The following DCC variants were observed in gnomAD, a reference collection of about 807,000 sequenced individuals.
The protein encoded by DCC is netrin receptor DCC.
In DCC, 58 loss-of-function variants were observed where a neutral mutation model predicts 172.5. The observed-to-expected ratio is 0.34, with a 90% CI of 0.27 to 0.42. The LOEUF (loss-of-function observed/expected upper bound fraction) is 0.42. DCC is among the 10% of genes least tolerant of loss of function. The pLI, the probability that DCC is intolerant of heterozygous loss-of-function variation, is 1.00. For missense variants in DCC, 1,740 were observed against 1,791.0 expected, an observed-to-expected ratio of 0.97 and a Z score of 0.51; for synonymous variants, 709 against 644.5, an observed-to-expected ratio of 1.10 and a Z score of -1.52.
chr18:53,197,820 G>A (rs142555084), intron 9 of DCC, among the ~76,000 whole-genome samples: 25 of 152,090 alleles, frequency 1.6e-4, no homozygotes, highest in African/African-American at 6.0e-4. Flanking sequence ...AGACAGGAAG[G>A]CAGATGTTTA....
chr18:52,801,677 C>A (rs1339231438), intron 2 of DCC, among the ~76,000 whole-genome samples: 1 of 152,164 alleles, frequency 6.6e-6, no homozygotes, highest in Non-Finnish European at 1.5e-5. Context: ...TTATAAGCCA[C>A]GTTCAAATTT....
At chr18:52,356,644 A>G (rs886202351) in intron 1 of DCC, among the ~76,000 whole-genome samples, 4 of 152,096 alleles carry the variant, frequency 2.6e-5, no homozygotes, top group African/African-American at 7.2e-5. Context: ...TCTTTTATCC[A>G]TATTCATCTC....
chr18:52,644,578 CAA>C (rs34472651), intron 1 of DCC, among the ~76,000 whole-genome samples: 53 of 112,938 alleles, frequency 4.7e-4, no homozygotes, highest in African/African-American at 1.5e-3. Context: ...GACTCCGTCT[CAA>C]AAAAAAAAAA....
Position 53,535,387 on chromosome 18 carries a change from C to T in DCC, c.*4734C>T, listed in dbSNP as rs1002918094. 6 of 152,150 alleles carry T rather than the reference C, an allele frequency of 3.9e-5. No homozygotes were observed. Among genetic ancestry groups the T allele is most frequent in the Admixed American group, 6.5e-5 (1 of 15,284 alleles). 9.4% of individuals were successfully genotyped at this position (152,150 alleles called of 1,614,324 possible). A position where few individuals can be genotyped will look rare whatever the true frequency, so the allele number is the denominator to read the frequency against. On this transcript the variant is annotated 3_prime_UTR_variant, in exon 29 of 29. Coordinates refer to ENST00000442544, the MANE Select transcript of DCC (RefSeq NM_005215.4). The stretch of plus-strand genomic sequence containing the variant: ...AAAGCCTTCACTGAAGTTCCATCAT[C>T]GCCACTTCTCCCTTTTTAGGGTCAT...
intron 7 of DCC, among the ~76,000 whole-genome samples, chr18:53,155,911 C>A (rs966311117): frequency 1.3e-5 from 2 of 152,150 alleles, no homozygotes; most frequent in Non-Finnish European, 2.9e-5. Flanking sequence ...CCTGTAATCC[C>A]AGCTACTCAG....
intron 22 of DCC, among the ~76,000 whole-genome samples, chr18:53,445,970 A>G (rs1416189334): frequency 1.3e-5 from 2 of 151,650 alleles, no homozygotes; most frequent in African/African-American, 4.8e-5. Context: ...TACATAGGAT[A>G]TAATACATTG....
At chr18:52,772,555 T>A (rs1466222015) in intron 2 of DCC, among the ~76,000 whole-genome samples, 1 of 152,120 alleles carries the variant, frequency 6.6e-6, no homozygotes, top group African/African-American at 2.4e-5. Flanking sequence ...AATAATACTG[T>A]GCAACAAAGG....
At chr18:53,328,725 G>A (rs1167345764) in intron 14 of DCC, among the ~76,000 whole-genome samples, 4 of 152,102 alleles carry the variant, frequency 2.6e-5, no homozygotes, top group East Asian at 1.9e-4. Flanking sequence ...AGTAGAGACA[G>A]GGTTTCACCA....
intron 2 of DCC, among the ~76,000 whole-genome samples, chr18:52,812,434 T>C (rs928168649): frequency 6.6e-6 from 1 of 152,180 alleles, no homozygotes; most frequent in Non-Finnish European, 1.5e-5. Context: ...CAATTCACTT[T>C]ATTAATGTTT....
intron 26 of DCC, among the ~76,000 whole-genome samples, chr18:53,488,954 C>T (rs1296613367): frequency 4.0e-5 from 6 of 151,778 alleles, no homozygotes; most frequent in African/African-American, 7.3e-5. Flanking sequence ...GTCAAGACAT[C>T]GAGACCATCC....
At chr18:52,745,400 A>G (rs1419709579) in intron 1 of DCC, among the ~76,000 whole-genome samples, 1 of 152,220 alleles carries the variant, frequency 6.6e-6, no homozygotes, top group Non-Finnish European at 1.5e-5. Flanking sequence ...AATTACCTGG[A>G]AGACTTCTTA....
At chr18:52,999,226 T>C (rs1034269370) in intron 5 of DCC, among the ~76,000 whole-genome samples, 2 of 152,094 alleles carry the variant, frequency 1.3e-5, no homozygotes, top group African/African-American at 4.8e-5. Context: ...TTTATCTTTG[T>C]GTCCAAAGAC....
chr18:52,694,986 A>C (rs2035989348), intron 1 of DCC, among the ~76,000 whole-genome samples: 1 of 152,168 alleles, frequency 6.6e-6, no homozygotes, highest in Non-Finnish European at 1.5e-5. Context: ...TGGGGGAATC[A>C]AGGGTTGCCT....
intron 9 of DCC, among the ~76,000 whole-genome samples, chr18:53,192,302 T>G (rs1233441447): frequency 6.6e-6 from 1 of 152,228 alleles, no homozygotes; most frequent in African/African-American, 2.4e-5. Context: ...GTTACTGGAA[T>G]TTTTATTGTT....
intron 25 of DCC, among the ~76,000 whole-genome samples, chr18:53,468,385 T>C (rs1599184536): frequency 6.7e-6 from 1 of 149,352 alleles, no homozygotes; most frequent in East Asian, 1.9e-4. Flanking sequence ...ATTTATTTTA[T>C]TTATTTATTT....
intron 25 of DCC, among the ~76,000 whole-genome samples, chr18:53,468,494 T>C (rs1180280245): frequency 1.3e-5 from 2 of 151,980 alleles, no homozygotes; most frequent in Non-Finnish European, 2.9e-5. Flanking sequence ...GCGATTCTCA[T>C]GCCTCAGTCT....
intron 5 of DCC, among the ~76,000 whole-genome samples, chr18:52,947,878 CTG>C (rs2040573547): frequency 1.3e-5 from 2 of 152,118 alleles, no homozygotes; most frequent in African/African-American, 2.4e-5. Context: ...GGAGAGGACA[CTG>C]TGGTGGTATC....
chr18:53,529,649 G>T (rs2046503621), intron 28 of DCC, among the ~76,000 whole-genome samples: 1 of 152,118 alleles, frequency 6.6e-6, no homozygotes, highest in South Asian at 2.1e-4. Flanking sequence ...TAAAAGGACT[G>T]GGATTCAAAT....
chr18:52,765,800 A>G (rs2037240620), intron 2 of DCC, among the ~76,000 whole-genome samples: 1 of 152,216 alleles, frequency 6.6e-6, no homozygotes, highest in Admixed American at 6.5e-5. Context: ...AGTCAGCCTC[A>G]GAATCTATCT....
Sources: allele counts gnomAD v4.1 joint callset (sites outside exome capture counted in the v4.1 genomes callset), GRCh38; gene constraint gnomAD v4.1.1; transcripts MANE v1.5; gene names NCBI Gene and HGNC (gene_info 2026-07-23, HGNC 2026-07-21).